The following RALYL variants were observed in gnomAD, a reference collection of about 807,000 sequenced individuals.
The protein encoded by RALYL is RALY RNA binding protein like.
A neutral mutation model predicts 35.1 loss-of-function variants in RALYL; 29 were observed. The ratio of observed to expected loss-of-function variants is 0.83; its 90% CI spans 0.61 to 1.13. The LOEUF (loss-of-function observed/expected upper bound fraction) is 1.13, where lower values mean the gene tolerates loss of function less well. Ranked by LOEUF, RALYL falls within the 50% of genes most tolerant of loss-of-function variation. The pLI is 0.00. For synonymous variants in RALYL, 120 were observed against 127.6 expected (o/e 0.94, Z 0.40); for missense variants, 359 against 360.4 (o/e 1.00, Z 0.03).
intron 2 of RALYL, among the ~76,000 whole-genome samples, chr8:84,539,838 ATATATATATATATATG>A (rs1315283729): frequency 0.14 from 2,207 of 15,712 alleles, 55 homozygotes; most frequent in South Asian, 0.4. Flanking sequence ...GTATACATAT[ATATATATATATATATG>A]TATATATATA....
chr8:84,295,877 C>G (rs1363491878), intron 1 of RALYL, among the ~76,000 whole-genome samples: 2 of 152,052 alleles, frequency 1.3e-5, no homozygotes, highest in African/African-American at 4.8e-5. Context: ...AGAATCCTTG[C>G]ATTATTTGGA....
intron 2 of RALYL, among the ~76,000 whole-genome samples, chr8:84,548,808 C>T (rs973706402): frequency 6.6e-6 from 1 of 151,856 alleles, no homozygotes; most frequent in Non-Finnish European, 1.5e-5. Flanking sequence ...CTTTTTGGAC[C>T]TAATTTGCTT....
chr8:84,821,692 A>C (rs1167777143), intron 4 of RALYL, among the ~76,000 whole-genome samples: 1 of 152,170 alleles, frequency 6.6e-6, no homozygotes, highest in Non-Finnish European at 1.5e-5. Flanking sequence ...CAAAGTACAG[A>C]AATGCTTTTT....
intron 2 of RALYL, among the ~76,000 whole-genome samples, chr8:84,571,744 T>C (rs1014775054): frequency 6.6e-6 from 1 of 151,816 alleles, no homozygotes; most frequent in African/African-American, 2.4e-5. Flanking sequence ...ATGTAGGCAG[T>C]TAGTGAAACC....
rs540728521 is a variant in RALYL at position 84,385,857 on chromosome 8, C to T, written c.-23-143442C>T. ...TCACCTTCATCATCTAAGATAGTTG[C>T]CAAGGTTCACCATGCTTCATCTCCA... On this transcript the variant is annotated intron_variant, in intron 1 of 8. Transcript: ENST00000521268. Among the ~76,000 whole-genome samples the T allele has an allele frequency of 2.6e-5, 4 of 151,878 alleles. No homozygotes were observed. The South Asian group carries it at 8.3e-4, about 31-fold the overall frequency.
chr8:84,551,915 T>C (rs184742120), intron 2 of RALYL, among the ~76,000 whole-genome samples: 165 of 152,216 alleles, frequency 1.1e-3, no homozygotes, highest in Non-Finnish European at 5.9e-5. Context: ...TGAATGCCTA[T>C]TGCAAAGGGA....
chr8:84,839,336 C>T (rs776424192), intron 4 of RALYL, among the ~76,000 whole-genome samples: 8 of 152,186 alleles, frequency 5.3e-5, no homozygotes, highest in East Asian at 3.9e-4. Flanking sequence ...GCACCTGGCT[C>T]GGAAGGACCT....
In RALYL at chr8:84,466,513, A is replaced by T. The variant is rs992757698; in HGVS notation, c.-23-62786A>T. Among the ~76,000 whole-genome samples, 167 of 151,672 alleles carry T rather than the reference A, an allele frequency of 1.1e-3. 2 individuals carry two copies. Among genetic ancestry groups the T allele is most frequent in the South Asian group, 2.9e-3 (14 of 4,790 alleles). ...GAAGCCCACTTGATCATGGTGGATAAGCTTTTTGATGTGCTGCTGTATTCG... is the reference window on the plus strand; with the variant it reads ...GAAGCCCACTTGATCATGGTGGATATGCTTTTTGATGTGCTGCTGTATTCG... On this transcript the variant is annotated intron_variant, in intron 1 of 8. Coordinates refer to ENST00000521268, the MANE Select transcript of RALYL (RefSeq NM_173848.7).
intron 1 of RALYL, among the ~76,000 whole-genome samples, chr8:84,227,346 C>CAAAAAATGTATTACAGGCGTGG (rs1824187491): frequency 6.9e-6 from 1 of 144,160 alleles, no homozygotes; most frequent in Non-Finnish European, 1.5e-5. Flanking sequence ...GCGTGAGCCA[C>CAAAAAATGTATTACAGGCGTGG]CACGTCTGGC....
At chr8:84,780,158 T>C (rs1354283901) in intron 3 of RALYL, among the ~76,000 whole-genome samples, 1 of 152,068 alleles carries the variant, frequency 6.6e-6, no homozygotes, top group Non-Finnish European at 1.5e-5. Flanking sequence ...CCATTTCACC[T>C]ACCCAGCCAG....
At chr8:84,599,113 T>C (rs1188457308) in intron 2 of RALYL, among the ~76,000 whole-genome samples, 2 of 152,094 alleles carry the variant, frequency 1.3e-5, no homozygotes, top group Non-Finnish European at 2.9e-5. Flanking sequence ...CTTAAGATTA[T>C]TTAGATGTAA....
chr8:84,898,605 A>G (rs1845149924), intron 8 of RALYL, among the ~76,000 whole-genome samples: 3 of 152,190 alleles, frequency 2.0e-5, no homozygotes, highest in African/African-American at 4.8e-5. Context: ...TAAAACCACA[A>G]TAAGGTAACA....
At chr8:84,747,840 A>G (rs1348468587) in intron 2 of RALYL, among the ~76,000 whole-genome samples, 1 of 151,988 alleles carries the variant, frequency 6.6e-6, no homozygotes, top group African/African-American at 2.4e-5. Flanking sequence ...ACTTAATCAC[A>G]TATTTGAGCC....
At chr8:84,879,778 T>C (rs1050872918) in intron 7 of RALYL, among the ~76,000 whole-genome samples, 2 of 151,954 alleles carry the variant, frequency 1.3e-5, no homozygotes, top group African/African-American at 4.8e-5. Context: ...TGAAAAGACA[T>C]TGAGTTGTCC....
chr8:84,434,370 A>T (rs182523470), intron 1 of RALYL, among the ~76,000 whole-genome samples: 3 of 152,258 alleles, frequency 2.0e-5, no homozygotes, highest in African/African-American at 7.2e-5. Context: ...AGCACAAAGC[A>T]CAAGGCATAA....
intron 1 of RALYL, among the ~76,000 whole-genome samples, chr8:84,265,193 G>A (rs536835188): frequency 1.3e-5 from 2 of 152,272 alleles, no homozygotes; most frequent in Non-Finnish European, 2.9e-5. Flanking sequence ...CTCAGAACCT[G>A]TGAATGCCAC....
chr8:84,617,278 A>T lies in RALYL; in HGVS notation c.256+87701A>T, dbSNP rs1277882326. Among the ~76,000 whole-genome samples the T allele has an allele frequency of 1.4e-4, 21 of 151,548 alleles. 1 individual carries two copies. Among genetic ancestry groups the T allele is most frequent in the Non-Finnish European group, 1.0e-4 (7 of 68,006 alleles). ...CCTCTTTTATTTCCTTGAGCAGTGGATTGTAGTTCTCCTGCAAGAGGTCCT... is the reference window on the plus strand; with the variant it reads ...CCTCTTTTATTTCCTTGAGCAGTGGTTTGTAGTTCTCCTGCAAGAGGTCCT... On this transcript the variant is annotated intron_variant, in intron 2 of 8. Transcript: ENST00000521268.
chr8:84,321,684 G>C (rs1325309642), intron 1 of RALYL, among the ~76,000 whole-genome samples: 1 of 152,108 alleles, frequency 6.6e-6, no homozygotes. Flanking sequence ...GACATAACCA[G>C]GGACACAGAG....
At chr8:84,782,848 G>A (rs1818514962) in intron 3 of RALYL, among the ~76,000 whole-genome samples, 1 of 152,144 alleles carries the variant, frequency 6.6e-6, no homozygotes, top group African/African-American at 2.4e-5. Context: ...GTAAGTTGAA[G>A]TATCTTCATT....
Sources: allele counts gnomAD v4.1 joint callset (sites outside exome capture counted in the v4.1 genomes callset), GRCh38; gene constraint gnomAD v4.1.1; transcripts MANE v1.5; gene names NCBI Gene and HGNC (gene_info 2026-07-23, HGNC 2026-07-21).